ABCC8: variants seen among roughly 807,000 people sequenced by gnomAD.
The protein encoded by ABCC8 is ATP-binding cassette sub-family C member 8.
ABCC8 carries 137 observed loss-of-function variants against 188.0 expected under a neutral mutation model. The ratio of observed to expected loss-of-function variants is 0.73; its 90% CI spans 0.63 to 0.84. The LOEUF (loss-of-function observed/expected upper bound fraction) is 0.84, where lower values mean the gene tolerates loss of function less well. Among genes scored for constraint, ABCC8 ranks in the 40% least tolerant of loss-of-function variants. The pLI, the probability that ABCC8 is intolerant of heterozygous loss-of-function variation, is 0.00. For synonymous variants in ABCC8, 797 were observed against 846.5 expected, an observed-to-expected ratio of 0.94 and a Z score of 1.01; for missense variants, 1,750 against 2,072.7, an observed-to-expected ratio of 0.84 and a Z score of 3.02.
In ABCC8 at chr11:17,427,877, A is replaced by G; in HGVS notation, c.2106T>C (p.Arg702=). Residue 702 remains arginine, a synonymous_variant, in exon 15 of 39, where the codon CGT becomes CGC. Transcript: ENST00000389817. The surrounding 1 kb of genome is among the most constrained non-coding windows in gnomAD (Gnocchi z 5.0). Reference sequence around the variant, plus strand: ...TGGACTGGGCCATACCTCGGGGGATACGAATGGTGATGTTGGACAGTGTGG... The same window carrying G: ...TGGACTGGGCCATACCTCGGGGGATGCGAATGGTGATGTTGGACAGTGTGG... ...GIPTLSNITI[R]IPRGQLTMIV... 6.2e-7 allele frequency: 1 copy of G among 1,614,108 alleles called. No homozygotes were observed. Among genetic ancestry groups the G allele is most frequent in the Non-Finnish European group, 8.5e-7 (1 of 1,179,998 alleles).
intron 12 of ABCC8, 133 bp from the exon 13 acceptor site, chr11:17,428,803 G>C: frequency 6.7e-7 from 1 of 1,498,412 alleles, no homozygotes; most frequent in Non-Finnish European, 8.9e-7. Context: ...ACACTGAAGG[G>C]GGCAGACCAG....
At position 17,463,518 on chromosome 11, in the gene ABCC8, G is replaced by C. The variant is rs1048096; in HGVS notation, c.499C>G (p.Leu167Val). The change falls in exon 4 of 39, where the codon CTA becomes GTA. Residue 167 changes from leucine (L) to valine (V), a missense_variant. Physicochemically the swap from Leu to Val is conservative, Grantham distance 32. Coordinates refer to ENST00000389817, the MANE Select transcript of ABCC8 (RefSeq NM_000352.6). ...AGCAGCCCTGTGAGGCAGAAGCGTA[G>C]CTGCGAGAAGCCGATGGCGTGGTCC... ...FLDHAIGFSQ[L>V]RFCLTGLLVI... 6.3e-7 allele frequency: 1 copy of C among 1,599,932 alleles called. No homozygotes were observed. The highest frequency in any genetic ancestry group is 8.5e-7 in the Non-Finnish European group (1 of 1,173,604).
chr11:17,431,740 G>C (rs976901506), intron 11 of ABCC8, among the ~76,000 whole-genome samples: 1 of 152,196 alleles, frequency 6.6e-6, no homozygotes, highest in Non-Finnish European at 1.5e-5. Flanking sequence ...ATTTAAAAGA[G>C]CAGGTTGCAA....
chr11:17,439,855 A>G (rs968317131), intron 10 of ABCC8, among the ~76,000 whole-genome samples: 3 of 151,942 alleles, frequency 2.0e-5, no homozygotes, highest in African/African-American at 7.3e-5. Flanking sequence ...GCTCTTCACA[A>G]CATATCCCTA....
intron 31 of ABCC8, 100 bp downstream of exon 31, chr11:17,397,584 T>C (rs1464449117): frequency 4.7e-6 from 7 of 1,485,044 alleles, no homozygotes; most frequent in East Asian, 2.4e-5. Context: ...GCAAATGAAA[T>C]TGGGGTAAGG....
chr11:17,464,269 G>C (rs1235962020), intron 3 of ABCC8, among the ~76,000 whole-genome samples: 2 of 152,166 alleles, frequency 1.3e-5, no homozygotes, highest in Non-Finnish European at 2.9e-5. Context: ...ACAGAGAGAG[G>C]GTGAAAGCCT....
chr11:17,416,838 A>G (rs1226670396), intron 17 of ABCC8, 92 bp downstream of exon 17: 9 of 1,542,764 alleles, frequency 5.8e-6, no homozygotes, highest in Non-Finnish European at 7.1e-6. Flanking sequence ...CCCTGAATCC[A>G]TACTCAGCAT....
At position 17,407,401 on chromosome 11, in the gene ABCC8, G is replaced by A. The variant is rs772574110; in HGVS notation, c.2873C>T (p.Ala958Val). 1 of 1,614,146 alleles carries A rather than the reference G, an allele frequency of 6.2e-7. No homozygotes were observed. The highest frequency in any genetic ancestry group is 8.5e-7 in the Non-Finnish European group (1 of 1,180,038). ...CAGAAGGCCATCCCTCGAGGACATGGCACGAGATAGGCCCTGGGGTGGCTC... is the reference window on the plus strand; with the variant it reads ...CAGAAGGCCATCCCTCGAGGACATGACACGAGATAGGCCCTGGGGTGGCTC... ...ATEPPQGLSR[A>V]MSSRDGLLQD... Residue 958 changes from alanine (A) to valine (V), a missense_variant, in exon 24 of 39, where the codon GCC becomes GTC. By Grantham distance (64) the Ala-to-Val change is moderately conservative. Transcript: ENST00000389817.
rs1270757878 is a variant in ABCC8, at chr11:17,408,458, C to T, written c.2754G>A (p.Arg918=). ...AGTGCTCAAAGAGCTGGCATTCAGACCTCTGGAAGTCCTTGAGGGTACCCT... is the reference window on the plus strand; with the variant it reads ...AGTGCTCAAAGAGCTGGCATTCAGATCTCTGGAAGTCCTTGAGGGTACCCT... ...QREGTLKDFQ[R]SECQLFEHWK... is the part of the protein sequence containing the mutation. The change falls in exon 23 of 39, where the codon AGG becomes AGA. Residue 918 remains arginine, a synonymous_variant. Coordinates refer to ENST00000389817, the MANE Select transcript of ABCC8 (RefSeq NM_000352.6). 3.1e-6 allele frequency: 5 copies of T among 1,613,740 alleles called. No individual in the cohort carries two copies. Among genetic ancestry groups the T allele is most frequent in the Non-Finnish European group, 4.2e-6 (5 of 1,180,042 alleles).
At chr11:17,408,820 A>G (rs1251610291) in intron 22 of ABCC8, among the ~76,000 whole-genome samples, 3 of 152,182 alleles carry the variant, frequency 2.0e-5, no homozygotes, top group African/African-American at 4.8e-5. Flanking sequence ...AGCGGCCGTC[A>G]TACACTAAGT....
chr11:17,463,410 C>A lies in ABCC8; in HGVS notation c.579+28G>T, dbSNP rs201051671. On this transcript the variant is annotated intron_variant, in intron 4 of 38. Transcript: ENST00000389817. Reference sequence around the variant, plus strand: ...AGAGGCCAGAGCCTCTGCTTCCCACCCCACCCTGGCCCAGGTGGCCTGCTT... The same window carrying A: ...AGAGGCCAGAGCCTCTGCTTCCCACACCACCCTGGCCCAGGTGGCCTGCTT... The A allele has an allele frequency of 2.9e-5, 46 of 1,576,160 alleles. No homozygotes were observed. The African/African-American group carries it at 5.1e-4, about 18-fold the overall frequency.
At chr11:17,415,265 G>T (rs1178734419) in intron 18 of ABCC8, 39 bp downstream of exon 18, 1 of 1,595,106 alleles carries the variant, frequency 6.3e-7, no homozygotes, top group African/African-American at 1.3e-5. Context: ...ACCCTGGAGG[G>T]AGTTGACCCT....
chr11:17,428,003 T>C, intron 14 of ABCC8, 61 bp from the exon 15 acceptor site: 1 of 1,595,200 alleles, frequency 6.3e-7, no homozygotes, highest in Non-Finnish European at 8.5e-7. Flanking sequence ...TCCCAGTGAA[T>C]AGTCTCTGGC....
chr11:17,416,869 A>AC, intron 17 of ABCC8, 61 bp downstream of exon 17: 3 of 1,490,318 alleles, frequency 2.0e-6, no homozygotes, highest in Non-Finnish European at 2.8e-6. Flanking sequence ...CAAGTCCTCC[A>AC]CCCCCACCCT....
chr11:17,435,435 T>C (rs1956047403), intron 10 of ABCC8, among the ~76,000 whole-genome samples: 1 of 152,014 alleles, frequency 6.6e-6, no homozygotes, highest in Non-Finnish European at 1.5e-5. Flanking sequence ...AGAGGCAAGC[T>C]GTAGGCAAAA....
At position 17,427,250 on chromosome 11, in the gene ABCC8, G is replaced by T. The variant is rs1282428361; in HGVS notation, c.2117-96C>A. On this transcript the variant is annotated intron_variant, in intron 15 of 38. Coordinates refer to ENST00000389817, the MANE Select transcript of ABCC8 (RefSeq NM_000352.6). This position sits in a 1 kb window ranked among gnomAD's most constrained non-coding sequence, Gnocchi z 5.0. ...GACAGACAGATGCACCCAACCCTGG[G>T]GCCCCTGTTTTCTTTCTTCCTACCT... 1.4e-6 allele frequency: 2 copies of T among 1,387,492 alleles called. No individual in the cohort carries two copies. The highest frequency in any genetic ancestry group is 2.9e-5 in the African/African-American group (2 of 68,568). The allele number at this position is 1,387,492 out of a possible 1,614,324, so 85.9% of individuals were successfully genotyped here.
intron 8 of ABCC8, among the ~76,000 whole-genome samples, chr11:17,445,681 T>C (rs1956496620): frequency 6.6e-6 from 1 of 152,240 alleles, no homozygotes. Context: ...ACACTGGTTC[T>C]TGAGTGCTGG....
At chr11:17,433,680 G>C (rs1322563995) in intron 10 of ABCC8, among the ~76,000 whole-genome samples, 3 of 152,304 alleles carry the variant, frequency 2.0e-5, no homozygotes, top group African/African-American at 7.2e-5. Context: ...AGGTGGGAAG[G>C]ACATTGTCCC....
At chr11:17,445,441 T>G (rs10766399) in intron 8 of ABCC8, among the ~76,000 whole-genome samples, 61,850 of 152,102 alleles carry the variant, frequency 0.41, 13,587 homozygotes, top group African/African-American at 0.58. Context: ...AACCCACTGA[T>G]TTGTATGCTT....
Sources: gnomAD v4.1 joint callset for allele counts (sites outside exome capture counted in the v4.1 genomes callset) on GRCh38, gnomAD v4.1.1 for gene constraint, Gnocchi (gnomAD v3.1) non-coding constraint, MANE v1.5 for transcripts, NCBI Gene and HGNC (gene_info 2026-07-23, HGNC 2026-07-21) for gene names.